Variants in NELL1 observed in about 807,000 individuals in gnomAD.
NELL1 encodes the protein protein kinase C-binding protein NELL1.
In NELL1, 76 loss-of-function variants were observed where a neutral mutation model predicts 107.4. That is an observed-to-expected ratio of 0.71 (90% confidence interval 0.59 to 0.86). NELL1 has a LOEUF of 0.86. Ranked by LOEUF, NELL1 falls within the 40% of genes least tolerant of loss-of-function variation. The pLI is 0.00. For synonymous variants in NELL1, 353 were observed against 341.2 expected, an observed-to-expected ratio of 1.03 and a Z score of -0.38; for missense variants, 1,024 against 1,005.5, an observed-to-expected ratio of 1.02 and a Z score of -0.25.
intron 4 of NELL1, among the ~76,000 whole-genome samples, chr11:20,880,638 G>C (rs571624888): frequency 2.0e-5 from 3 of 152,288 alleles, no homozygotes; most frequent in Non-Finnish European, 4.4e-5. Flanking sequence ...CTGTTTTTCA[G>C]TGCGGTATAT....
chr11:21,374,208 T>C (rs1028234666), intron 15 of NELL1, among the ~76,000 whole-genome samples: 6 of 152,078 alleles, frequency 3.9e-5, no homozygotes, highest in African/African-American at 1.2e-4. Flanking sequence ...CAACAAATGT[T>C]TATTATCTCA....
chr11:21,141,862 C>T (rs1382881877), intron 13 of NELL1, among the ~76,000 whole-genome samples: 1 of 152,038 alleles, frequency 6.6e-6, no homozygotes, highest in Non-Finnish European at 1.5e-5. Flanking sequence ...CTCCTGGGTT[C>T]AAGCAATTCT....
intron 3 of NELL1, among the ~76,000 whole-genome samples, chr11:20,785,432 T>C (rs1322750461): frequency 6.6e-6 from 1 of 152,198 alleles, no homozygotes; most frequent in Non-Finnish European, 1.5e-5. Context: ...TTTCCAAGGA[T>C]TGAGTGTCAA....
intron 10 of NELL1, among the ~76,000 whole-genome samples, chr11:20,944,022 T>C (rs2134194403): frequency 6.6e-6 from 1 of 152,286 alleles, no homozygotes; most frequent in Middle Eastern, 3.4e-3. Context: ...AAAGGGCCTC[T>C]TATTTCTCCC....
chr11:21,474,534 C>A (rs1394314980), intron 15 of NELL1, among the ~76,000 whole-genome samples: 2 of 152,020 alleles, frequency 1.3e-5, no homozygotes, highest in African/African-American at 2.4e-5. Flanking sequence ...TACAGAGGAG[C>A]ATATTATATT....
chr11:20,949,756 CG>C (rs377333065), intron 11 of NELL1, among the ~76,000 whole-genome samples: 16 of 152,116 alleles, frequency 1.1e-4, no homozygotes, highest in African/African-American at 3.9e-4. Context: ...ACAAGGTTCC[CG>C]TTGCTAGCAA....
chr11:21,042,996 A>G (rs1251253871), intron 12 of NELL1, among the ~76,000 whole-genome samples: 1 of 152,194 alleles, frequency 6.6e-6, no homozygotes, highest in African/African-American at 2.4e-5. Context: ...ACATTGAAGC[A>G]TCTTCTGGAA....
chr11:21,144,164 G>A (rs1269469177), intron 13 of NELL1, among the ~76,000 whole-genome samples: 1 of 152,184 alleles, frequency 6.6e-6, no homozygotes, highest in East Asian at 1.9e-4. Flanking sequence ...AATGGGGACT[G>A]TGTAAGGGAA....
chr11:21,496,556 C>T (rs1041936341), intron 15 of NELL1, among the ~76,000 whole-genome samples: 1 of 151,702 alleles, frequency 6.6e-6, no homozygotes, highest in Non-Finnish European at 1.5e-5. Flanking sequence ...ACTACAGGCG[C>T]GTGCCACCAC....
chr11:20,820,195 T>A (rs79498081), intron 3 of NELL1, among the ~76,000 whole-genome samples: 6,989 of 152,220 alleles, frequency 0.046, 471 homozygotes, highest in African/African-American at 0.15. Flanking sequence ...AACAGTGATG[T>A]TTTGAAAGCC....
At chr11:21,319,516 A>ATATATATTTT (rs1291132794) in intron 14 of NELL1, among the ~76,000 whole-genome samples, 1 of 120,296 alleles carries the variant, frequency 8.3e-6, no homozygotes, top group Non-Finnish European at 1.8e-5. Flanking sequence ...ATATATATAT[A>ATATATATTTT]TTTTTAGTAG....
intron 15 of NELL1, among the ~76,000 whole-genome samples, chr11:21,427,669 G>C (rs1392946841): frequency 6.6e-6 from 1 of 152,142 alleles, no homozygotes; most frequent in Non-Finnish European, 1.5e-5. Context: ...CCAGGAGTTT[G>C]AGACACCTTG....
chr11:21,298,160 G>T (rs1375045516), intron 14 of NELL1, among the ~76,000 whole-genome samples: 1 of 151,962 alleles, frequency 6.6e-6, no homozygotes, highest in African/African-American at 2.4e-5. Flanking sequence ...TTGTTTCAAT[G>T]ATACTCTTTA....
At chr11:21,234,866 A>C (rs772034974) in intron 14 of NELL1, among the ~76,000 whole-genome samples, 1 of 152,172 alleles carries the variant, frequency 6.6e-6, no homozygotes, top group Non-Finnish European at 1.5e-5. Flanking sequence ...TAGACATCTC[A>C]CATGTACAAA....
chr11:20,941,086 C>T (rs1312847308), intron 10 of NELL1, among the ~76,000 whole-genome samples: 3 of 152,128 alleles, frequency 2.0e-5, no homozygotes, highest in African/African-American at 7.2e-5. Flanking sequence ...TTGCAGTGAG[C>T]TGAGATTGTG....
chr11:21,298,474 T>TTC (rs1849421877), intron 14 of NELL1, among the ~76,000 whole-genome samples: 1 of 152,020 alleles, frequency 6.6e-6, no homozygotes, highest in Non-Finnish European at 1.5e-5. Flanking sequence ...CTGACACCGT[T>TTC]TTGATCTCTT....
At chr11:21,166,541 T>C (rs1021118758) in intron 13 of NELL1, among the ~76,000 whole-genome samples, 2 of 151,944 alleles carry the variant, frequency 1.3e-5, no homozygotes, top group African/African-American at 2.4e-5. Context: ...ACTCATTGCT[T>C]GTCTATGCCA....
chr11:21,210,617 C>G (rs565098150), intron 13 of NELL1, among the ~76,000 whole-genome samples: 2 of 152,164 alleles, frequency 1.3e-5, no homozygotes, highest in Non-Finnish European at 2.9e-5. Context: ...TTTATATATT[C>G]TAGATTCAAG....
intron 14 of NELL1, among the ~76,000 whole-genome samples, chr11:21,338,340 C>A (rs900604337): frequency 2.6e-5 from 4 of 152,110 alleles, no homozygotes; most frequent in African/African-American, 9.7e-5. Context: ...AAATGGAGAA[C>A]CTTGGAGAAA....
Sources: allele counts gnomAD v4.1 joint callset (sites outside exome capture counted in the v4.1 genomes callset), GRCh38; gene constraint gnomAD v4.1.1; transcripts MANE v1.5; gene names NCBI Gene and HGNC (gene_info 2026-07-23, HGNC 2026-07-21).